The following SHISA6 variants were observed in gnomAD, a reference collection of about 807,000 sequenced individuals.
SHISA6 encodes the protein shisa family member 6.
SHISA6 carries 22 observed loss-of-function variants against 47.9 expected under a neutral mutation model. The ratio of observed to expected loss-of-function variants is 0.46; its 90% CI spans 0.33 to 0.66. The LOEUF is 0.66. SHISA6 is among the 30% of genes least tolerant of loss of function. The pLI, the probability that SHISA6 is intolerant of heterozygous loss-of-function variation, is 0.02. For synonymous variants in SHISA6, 388 were observed against 337.8 expected (o/e 1.15, Z -1.63); for missense variants, 680 against 764.6 (o/e 0.89, Z 1.30).
chr17:11,259,308 A>G (rs926143402), intron 1 of SHISA6, among the ~76,000 whole-genome samples: 3 of 152,196 alleles, frequency 2.0e-5, no homozygotes, highest in African/African-American at 4.8e-5. Flanking sequence ...CATAACCTCT[A>G]AAAGTTTTCA....
intron 3 of SHISA6, among the ~76,000 whole-genome samples, chr17:11,548,752 T>C (rs2071904652): frequency 6.6e-6 from 1 of 152,158 alleles, no homozygotes; most frequent in Non-Finnish European, 1.5e-5. Flanking sequence ...TGCTTAAATA[T>C]GCTTAAATAT....
intron 2 of SHISA6, among the ~76,000 whole-genome samples, chr17:11,281,359 G>T (rs1022459211): frequency 8.5e-5 from 13 of 152,128 alleles, no homozygotes; most frequent in African/African-American, 3.1e-4. Context: ...TTTTTATGAG[G>T]AGTGGATATT....
At chr17:11,261,158 G>A (rs957161332) in intron 1 of SHISA6, among the ~76,000 whole-genome samples, 12 of 152,086 alleles carry the variant, frequency 7.9e-5, no homozygotes, top group African/African-American at 2.9e-4. Flanking sequence ...GTAGGCAGAG[G>A]GACTCACTCT....
At chr17:11,554,542 G>A (rs2071958688) in intron 4 of SHISA6, among the ~76,000 whole-genome samples, 1 of 152,160 alleles carries the variant, frequency 6.6e-6, no homozygotes, top group Admixed American at 6.5e-5. Context: ...TTGCCAAGAG[G>A]TGTGGCAGTC....
intron 3 of SHISA6, among the ~76,000 whole-genome samples, chr17:11,435,304 A>C (rs1377276276): frequency 6.6e-6 from 1 of 152,224 alleles, no homozygotes; most frequent in Non-Finnish European, 1.5e-5. Context: ...TAGGTCCCTA[A>C]GTAGCCCTGA....
chr17:11,351,279 G>T (rs1473820271), intron 2 of SHISA6, among the ~76,000 whole-genome samples: 1 of 152,080 alleles, frequency 6.6e-6, no homozygotes, highest in African/African-American at 2.4e-5. Flanking sequence ...TGCACATTCT[G>T]CACATGTATC....
intron 3 of SHISA6, among the ~76,000 whole-genome samples, chr17:11,453,716 T>C (rs1294713441): frequency 6.6e-6 from 1 of 152,206 alleles, no homozygotes; most frequent in Non-Finnish European, 1.5e-5. Context: ...GGAAAACTAC[T>C]CGACAAAAAC....
chr17:11,425,648 C>T (rs1178207360), intron 3 of SHISA6, among the ~76,000 whole-genome samples: 1 of 152,086 alleles, frequency 6.6e-6, no homozygotes, highest in Non-Finnish European at 1.5e-5. Context: ...AGGGCTACAT[C>T]CAGTTTTAGG....
intron 2 of SHISA6, among the ~76,000 whole-genome samples, chr17:11,351,240 A>G (rs1238816717): frequency 6.6e-6 from 1 of 152,164 alleles, no homozygotes; most frequent in South Asian, 2.1e-4. Context: ...GCAAACCATC[A>G]TGGCACATGT....
At chr17:11,420,123 G>T (rs1235455996) in intron 3 of SHISA6, among the ~76,000 whole-genome samples, 3 of 152,190 alleles carry the variant, frequency 2.0e-5, no homozygotes, top group Admixed American at 6.5e-5. Flanking sequence ...AGAATCACTT[G>T]AACCCAGAAG....
chr17:11,338,292 G>A (rs947952476), intron 2 of SHISA6, among the ~76,000 whole-genome samples: 1 of 152,198 alleles, frequency 6.6e-6, no homozygotes, highest in Non-Finnish European at 1.5e-5. Flanking sequence ...TAGCCCCAAA[G>A]TGATAGTCCA....
At position 11,556,389 on chromosome 17, in the gene SHISA6, A is replaced by G. The variant is rs148098983; in HGVS notation, c.1105+497A>G. Among the ~76,000 whole-genome samples the G allele has an allele frequency of 2.1e-3, 316 of 152,226 alleles. 2 individuals carry two copies. The highest frequency in any genetic ancestry group is 7.1e-3 in the African/African-American group (297 of 41,546). On this transcript the variant is annotated intron_variant, in intron 5 of 5. Coordinates refer to ENST00000441885, the MANE Select transcript of SHISA6 (RefSeq NM_207386.4). ...GCATACACCCCATTTCACCAGTTCA[A>G]TCCAGTTTATCCAGTGATGCCAGCT...
At chr17:11,336,484 T>A (rs1466987682) in intron 2 of SHISA6, among the ~76,000 whole-genome samples, 4 of 152,098 alleles carry the variant, frequency 2.6e-5, no homozygotes, top group Non-Finnish European at 5.9e-5. Flanking sequence ...ACCCCAATAT[T>A]GGGCTCATGG....
intron 3 of SHISA6, among the ~76,000 whole-genome samples, chr17:11,448,375 A>C (rs1350607607): frequency 6.6e-6 from 1 of 151,556 alleles, no homozygotes; most frequent in Admixed American, 6.6e-5. Context: ...AAAAAGATAA[A>C]AAATTAGCCG....
At chr17:11,363,201 C>CTTT (rs35611414) in intron 2 of SHISA6, among the ~76,000 whole-genome samples, 13 of 144,380 alleles carry the variant, frequency 9.0e-5, no homozygotes, top group Non-Finnish European at 1.7e-4. Flanking sequence ...GGGTACATTT[C>CTTT]TTTTTTTTTT....
chr17:11,546,834 T>C (rs1195933987), intron 3 of SHISA6, among the ~76,000 whole-genome samples: 1 of 151,818 alleles, frequency 6.6e-6, no homozygotes, highest in Non-Finnish European at 1.5e-5. Flanking sequence ...GGCAGGAGAA[T>C]CATTTGAACC....
intron 3 of SHISA6, among the ~76,000 whole-genome samples, chr17:11,480,760 G>A (rs778129732): frequency 5.9e-5 from 9 of 152,164 alleles, no homozygotes; most frequent in South Asian, 2.1e-4. Flanking sequence ...CTAGTTGTGT[G>A]TAAACTTACA....
chr17:11,248,602 T>A (rs1470858778), intron 1 of SHISA6, among the ~76,000 whole-genome samples: 3 of 152,234 alleles, frequency 2.0e-5, no homozygotes, highest in Non-Finnish European at 4.4e-5. Context: ...CCTACGTTTC[T>A]GTACCCCTCC....
chr17:11,309,005 C>T (rs913331953), intron 2 of SHISA6, among the ~76,000 whole-genome samples: 1 of 152,138 alleles, frequency 6.6e-6, no homozygotes, highest in African/African-American at 2.4e-5. Context: ...TGCTCTGTCA[C>T]CCAGGCTGGA....
Sources: gnomAD v4.1 joint callset for allele counts (sites outside exome capture counted in the v4.1 genomes callset) on GRCh38, gnomAD v4.1.1 for gene constraint, MANE v1.5 for transcripts, NCBI Gene and HGNC (gene_info 2026-07-23, HGNC 2026-07-21) for gene names.